Variants in PATJ observed in about 807,000 individuals in gnomAD.
The protein encoded by PATJ is inaD-like protein.
Under a neutral mutation model 224.9 loss-of-function variants are expected in PATJ, and 190 were observed. That is an observed-to-expected ratio of 0.84 (90% confidence interval 0.75 to 0.95). The LOEUF (loss-of-function observed/expected upper bound fraction) is 0.95, where lower values mean the gene tolerates loss of function less well. Ranked by LOEUF, PATJ falls within the 40% of genes least tolerant of loss-of-function variation. The probability of loss-of-function intolerance (pLI) is 0.00; values close to 1 mark genes in which losing one functional copy is unlikely to be tolerated. For synonymous variants in PATJ, 769 were observed against 820.3 expected (o/e 0.94, Z 1.07); for missense variants, 2,121 against 2,270.3 (o/e 0.93, Z 1.34).
chr1:61,777,247 G>A (rs1646965208), intron 7 of PATJ, among the ~76,000 whole-genome samples: 1 of 152,106 alleles, frequency 6.6e-6, no homozygotes, highest in Admixed American at 6.6e-5. Flanking sequence ...TTTACCATAA[G>A]CATGACATTT....
intron 27 of PATJ, among the ~76,000 whole-genome samples, chr1:61,979,906 G>A (rs1045485443): frequency 1.3e-5 from 2 of 152,038 alleles, no homozygotes; most frequent in African/African-American, 2.4e-5. Context: ...TGTCTTCAGA[G>A]ATAAGGATGC....
chr1:62,121,482 TG>T (rs1665042802), intron 38 of PATJ, among the ~76,000 whole-genome samples, 187 bp downstream of exon 38: 1 of 152,088 alleles, frequency 6.6e-6, no homozygotes, highest in East Asian at 1.9e-4. Flanking sequence ...CCTTCAGTGG[TG>T]GCCAGGCATG....
intron 17 of PATJ, among the ~76,000 whole-genome samples, chr1:61,841,120 G>T (rs972724362): frequency 1.3e-5 from 2 of 152,002 alleles, no homozygotes; most frequent in Admixed American, 6.6e-5. Context: ...TTCAGACTAT[G>T]ATATTAGTGC....
At chr1:61,936,735 C>A (rs1030848797) in intron 27 of PATJ, among the ~76,000 whole-genome samples, 2 of 151,974 alleles carry the variant, frequency 1.3e-5, no homozygotes, top group African/African-American at 2.4e-5. Context: ...CCACACCCAG[C>A]TAATTTTTGT....
chr1:61,796,890 T>G (rs755360038), intron 10 of PATJ, among the ~76,000 whole-genome samples: 2 of 150,516 alleles, frequency 1.3e-5, no homozygotes, highest in African/African-American at 2.5e-5. Context: ...CTATCCTTGC[T>G]TCATCTTGCT....
At chr1:61,875,110 A>T in intron 20 of PATJ, 133 bp from the exon 21 acceptor site, 1 of 561,312 alleles carries the variant, frequency 1.8e-6, no homozygotes, top group South Asian at 2.4e-5. Flanking sequence ...TTACCACAGT[A>T]TAAACCATTA....
At chr1:62,143,612 G>A (rs1667725619) in intron 41 of PATJ, among the ~76,000 whole-genome samples, 2 of 151,884 alleles carry the variant, frequency 1.3e-5, no homozygotes, top group Non-Finnish European at 2.9e-5. Flanking sequence ...CACCACGCCA[G>A]CTAATTTTTG....
intron 30 of PATJ, among the ~76,000 whole-genome samples, chr1:62,044,786 G>A (rs757434484): frequency 2.0e-5 from 3 of 152,194 alleles, no homozygotes; most frequent in Admixed American, 6.5e-5. Context: ...ATAAGCTCAC[G>A]TTTGGGGTTA....
intron 29 of PATJ, among the ~76,000 whole-genome samples, chr1:62,019,481 T>C (rs567230476): frequency 1.3e-5 from 2 of 151,796 alleles, no homozygotes; most frequent in Non-Finnish European, 2.9e-5. Flanking sequence ...ATCACGCCAC[T>C]GCACTCCCAC....
At chr1:62,157,062 G>A (rs1359037453) in intron 43 of PATJ, among the ~76,000 whole-genome samples, 4 of 152,168 alleles carry the variant, frequency 2.6e-5, no homozygotes, top group South Asian at 2.1e-4. Context: ...GGTGGCTCAC[G>A]CCTGTAATCC....
chr1:62,072,162 C>T (rs1246559464), intron 31 of PATJ, among the ~76,000 whole-genome samples: 1 of 152,122 alleles, frequency 6.6e-6, no homozygotes, highest in Non-Finnish European at 1.5e-5. Flanking sequence ...ATAAACTGCC[C>T]TTTCGCTATG....
intron 25 of PATJ, among the ~76,000 whole-genome samples, chr1:61,911,406 G>A (rs1374004493): frequency 2.6e-5 from 4 of 152,052 alleles, no homozygotes; most frequent in African/African-American, 9.7e-5. Context: ...TAGAGATGAG[G>A]TTTCACCATG....
At chr1:61,786,139 A>G (rs549619969) in intron 7 of PATJ, among the ~76,000 whole-genome samples, 1 of 152,288 alleles carries the variant, frequency 6.6e-6, no homozygotes, top group East Asian at 1.9e-4. Context: ...CGCATGCCTC[A>G]GCCTCCCGAG....
chr1:62,066,365 A>G (rs903620236), intron 31 of PATJ, among the ~76,000 whole-genome samples: 2 of 151,906 alleles, frequency 1.3e-5, no homozygotes, highest in African/African-American at 4.9e-5. Context: ...TTATTGAAGG[A>G]CAAGGTAACG....
rs889585840 is a variant in PATJ, at chr1:61,795,634, G to A, written c.1260+76G>A. On this transcript the variant is annotated intron_variant, in intron 10 of 43. Transcript: ENST00000642238. ...GATCATTATTATAATACATGTGAGAGGGGGAATAGCTTAATATAGTTTTAT... is the reference window on the plus strand; with the variant it reads ...GATCATTATTATAATACATGTGAGAAGGGGAATAGCTTAATATAGTTTTAT... 7 of 832,558 alleles carry A rather than the reference G, an allele frequency of 8.4e-6. No homozygotes were observed. In the African/African-American group the frequency reaches 1.2e-4, roughly 14 times the overall value. 51.6% of individuals were successfully genotyped at this position (832,558 alleles called of 1,614,324 possible).
chr1:61,925,675 A>G (rs1479924171), intron 26 of PATJ, among the ~76,000 whole-genome samples: 1 of 152,172 alleles, frequency 6.6e-6, no homozygotes, highest in Non-Finnish European at 1.5e-5. Flanking sequence ...GGGACCTCCA[A>G]AACTGTTCAA....
intron 9 of PATJ, among the ~76,000 whole-genome samples, chr1:61,792,912 A>G (rs1570523607): frequency 6.6e-6 from 1 of 152,148 alleles, no homozygotes; most frequent in East Asian, 1.9e-4. Flanking sequence ...ACACAACTCA[A>G]CATGCTTTTT....
At chr1:61,926,097 C>T (rs1675152156) in intron 26 of PATJ, among the ~76,000 whole-genome samples, 4 of 152,176 alleles carry the variant, frequency 2.6e-5, no homozygotes, top group Admixed American at 2.6e-4. Context: ...GCAAATAGTT[C>T]AGGGAGGCCT....
chr1:61,898,530 A>T (rs1670687195), intron 22 of PATJ, among the ~76,000 whole-genome samples: 1 of 151,522 alleles, frequency 6.6e-6, no homozygotes, highest in East Asian at 1.9e-4. Flanking sequence ...GAGCCACCAC[A>T]CCTGGCCAAG....
Sources: allele counts gnomAD v4.1 joint callset (sites outside exome capture counted in the v4.1 genomes callset), GRCh38; gene constraint gnomAD v4.1.1; transcripts MANE v1.5; gene names NCBI Gene and HGNC (gene_info 2026-07-23, HGNC 2026-07-21).